The following GLT8D2 variants were observed in gnomAD, a reference collection of about 807,000 sequenced individuals.
GLT8D2 encodes the protein glycosyltransferase 8 domain containing 2, also known as glycosyltransferase 8 domain-containing protein 2.
In GLT8D2, 45 loss-of-function variants were observed where a neutral mutation model predicts 44.5. The observed-to-expected ratio is 1.01, with a 90% CI of 0.80 to 1.30. GLT8D2 has a LOEUF of 1.30. GLT8D2 is among the 50% of genes most tolerant of loss of function. GLT8D2 has a pLI of 0.00. For synonymous variants in GLT8D2, 156 were observed against 157.2 expected (o/e 0.99, Z 0.06); for missense variants, 400 against 430.4 (o/e 0.93, Z 0.62).
chr12:104,015,311 G>T (rs1313701255), intron 3 of GLT8D2, among the ~76,000 whole-genome samples: 2 of 151,816 alleles, frequency 1.3e-5, no homozygotes, highest in East Asian at 1.9e-4. Context: ...ACTTTGGGAG[G>T]CCAAGGCAGG....
chr12:103,999,537 C>A, intron 5 of GLT8D2, 23 bp from the exon 6 acceptor site: 2 of 1,361,234 alleles, frequency 1.5e-6, no homozygotes, highest in African/African-American at 2.8e-5. Context: ...CCAAAAAAAC[C>A]TCTAGTATAC....
At chr12:104,005,783 T>C (rs943999360) in intron 4 of GLT8D2, among the ~76,000 whole-genome samples, 3 of 152,204 alleles carry the variant, frequency 2.0e-5, no homozygotes, top group African/African-American at 7.2e-5. Flanking sequence ...ACACTGTTGG[T>C]GGAACTGTAA....
At chr12:104,027,959 GC>G (rs1182747997) in intron 1 of GLT8D2, among the ~76,000 whole-genome samples, 3 of 152,180 alleles carry the variant, frequency 2.0e-5, no homozygotes, top group Non-Finnish European at 4.4e-5. Flanking sequence ...CACAGGCAAT[GC>G]TGGTCAGCTC....
chr12:104,012,502 T>C (rs922047063), intron 4 of GLT8D2: 1 of 280,416 alleles, frequency 3.6e-6, no homozygotes, highest in Non-Finnish European at 6.6e-6. Flanking sequence ...TTAAAACCTA[T>C]CCACTTATTT....
At chr12:104,039,061 TTAAATGGTGATGGGA>T (rs748199375) in intron 1 of GLT8D2, among the ~76,000 whole-genome samples, 167 of 152,200 alleles carry the variant, frequency 1.1e-3, no homozygotes, top group Admixed American at 2.0e-3. Context: ...TCCCTATTTA[TTAAATGGTGATGGGA>T]AAACTGGCTA....
chr12:104,023,988 G>A (rs1476675984), intron 1 of GLT8D2, among the ~76,000 whole-genome samples: 1 of 152,130 alleles, frequency 6.6e-6, no homozygotes, highest in Non-Finnish European at 1.5e-5. Context: ...TAATACTTCT[G>A]TAAACACTTG....
rs373952967 is a variant in GLT8D2, at chr12:103,996,802, G to A, written c.533C>T (p.Ala178Val). The change falls in exon 8 of 11, where the codon GCG becomes GTG. Residue 178 changes from alanine to valine, a missense_variant. Physicochemically the swap from Ala to Val is moderately conservative, Grantham distance 64 (BLOSUM62 0). Coordinates refer to ENST00000360814, the MANE Select transcript of GLT8D2 (RefSeq NM_001384711.1). ...ATCGCAGTCATCTGAGAAAGCCGCC[G>A]CGTGGCCCAGGGCCAAGGTGGTGTC... ...LYDTTLALGH[A>V]AAFSDDCDLP... The A allele has an allele frequency of 1.1e-5, 17 of 1,613,996 alleles. No individual in the cohort carries two copies. The highest frequency in any genetic ancestry group is 4.0e-5 in the African/African-American group (3 of 74,936).
chr12:104,019,188 TG>T (rs1833077728), intron 3 of GLT8D2, among the ~76,000 whole-genome samples: 1 of 147,726 alleles, frequency 6.8e-6, no homozygotes, highest in Admixed American at 7.0e-5. Context: ...CATGCAGTGG[TG>T]CAATCTCAGC....
intron 1 of GLT8D2, among the ~76,000 whole-genome samples, chr12:104,028,030 A>G (rs2629751): frequency 0.36 from 54,410 of 152,048 alleles, 10,146 homozygotes; most frequent in African/African-American, 0.44. Flanking sequence ...GGAATAGTAA[A>G]TGCTGATTCA....
intron 1 of GLT8D2, among the ~76,000 whole-genome samples, chr12:104,021,929 AGAAGAAGAAGAAGAAGAAGAAGAAGAG>A (rs1384111044): frequency 0.029 from 709 of 24,382 alleles, 52 homozygotes; most frequent in Middle Eastern, 0.033. Flanking sequence ...AAGAAGAAGA[AGAAGAAGAAGAAGAAGAAGAAGAAGAG>A]GAAGAAGAGG....
chr12:104,034,949 G>A (rs919455820), intron 1 of GLT8D2, among the ~76,000 whole-genome samples: 2 of 152,182 alleles, frequency 1.3e-5, no homozygotes, highest in Admixed American at 1.3e-4. Flanking sequence ...TCCAGAGGAA[G>A]GATCAGGCAG....
Position 103,999,376 on chromosome 12 carries a change from AC to A in GLT8D2, c.402+20del. 7.4e-7 allele frequency: 1 copy of A among 1,342,576 alleles called. No homozygotes were observed. Among genetic ancestry groups the A allele is most frequent in the African/African-American group, 1.4e-5 (1 of 69,718 alleles). 83.2% of individuals were successfully genotyped at this position (1,342,576 alleles called of 1,614,324 possible). ...GGTCTCACCAAGGACTGTCCCCAGC[AC>A]CTGTGTGGTCCCTACTTACAGGCTG... On this transcript the variant is annotated intron_variant, in intron 6 of 10. Transcript: ENST00000360814.
upstream of GLT8D2, chr12:104,064,290 G>C (rs1056972852): frequency 1.3e-5 from 5 of 379,650 alleles, no homozygotes; most frequent in South Asian, 9.1e-5. The surrounding 1 kb of genome is among the most constrained non-coding windows in gnomAD (Gnocchi z 7.3). Context: ...GGTGGGGATG[G>C]GAGACGTGGT....
rs1873185001 is a variant in GLT8D2 at position 103,994,617 on chromosome 12, C to T, written c.601-116G>A. 1.1e-5 allele frequency: 9 copies of T among 840,458 alleles called. No individual in the cohort carries two copies. In the South Asian group the frequency reaches 1.8e-4, roughly 17 times the overall value. 52.1% of individuals were successfully genotyped at this position (840,458 alleles called of 1,614,324 possible). The stretch of plus-strand genomic sequence containing the variant: ...TTGGGTTTCCTCCTGTGTCACTGGC[C>T]ACTGGGTAGTTTGTTGTTTTTGTTT... On this transcript the variant is annotated intron_variant, in intron 8 of 10. Transcript: ENST00000360814.
intron 1 of GLT8D2, chr12:104,031,149 C>A: frequency 1.3e-6 from 2 of 1,586,792 alleles, no homozygotes; most frequent in Non-Finnish European, 8.6e-7. Context: ...GTCCCACCAC[C>A]TCCGATGGAG....
chr12:104,039,466 C>G lies in GLT8D2; in HGVS notation c.-164+10429G>C, dbSNP rs1270670942. On this transcript the variant is annotated intron_variant, in intron 1 of 10. Transcript: ENST00000360814. ...ATTTACAAGAAAAAAACAAACAACC[C>G]CATCAAAAAGTGGGCGAAGGATATG... Among the ~76,000 whole-genome samples the G allele has an allele frequency of 2.6e-5, 4 of 152,176 alleles. No homozygotes were observed. The East Asian group carries it at 7.7e-4, about 29-fold the overall frequency.
At chr12:104,041,990 G>A (rs1054126690) in intron 1 of GLT8D2, among the ~76,000 whole-genome samples, 4 of 152,214 alleles carry the variant, frequency 2.6e-5, no homozygotes, top group East Asian at 1.9e-4. Context: ...CGGGTACTAC[G>A]TTAATCATTT....
At chr12:104,061,767 G>A (rs1025392763) in intron 1 of GLT8D2, among the ~76,000 whole-genome samples, 1 of 151,844 alleles carries the variant, frequency 6.6e-6, no homozygotes, top group African/African-American at 2.4e-5. Context: ...ACCTGAGGTT[G>A]GGAGTTCAAG....
chr12:103,989,665 A>G, intron 10 of GLT8D2, 88 bp from the exon 11 acceptor site: 7 of 1,179,350 alleles, frequency 5.9e-6, no homozygotes, highest in Non-Finnish European at 8.4e-6. Context: ...TAGTTTAAAA[A>G]AAGGTAAACA....
Sources: allele counts gnomAD v4.1 joint callset (sites outside exome capture counted in the v4.1 genomes callset), GRCh38; gene constraint gnomAD v4.1.1; non-coding constraint Gnocchi (gnomAD v3.1); transcripts MANE v1.5; gene names NCBI Gene and HGNC (gene_info 2026-07-23, HGNC 2026-07-21).